LRBA: variants seen among roughly 807,000 people sequenced by gnomAD.
LRBA encodes the protein lipopolysaccharide-responsive and beige-like anchor protein.
A neutral mutation model predicts 330.0 loss-of-function variants in LRBA; 176 were observed. That is an observed-to-expected ratio of 0.53 (90% CI 0.47 to 0.60). The LOEUF is 0.60. LRBA is among the 20% of genes least tolerant of loss of function. LRBA has a pLI of 0.00. For missense variants in LRBA, 3,259 were observed against 3,444.8 expected (o/e 0.95, Z 1.35); for synonymous variants, 1,230 against 1,193.0 (o/e 1.03, Z -0.64).
intron 31 of LRBA, among the ~76,000 whole-genome samples, chr4:150,813,975 G>T (rs1252722026): frequency 3.3e-5 from 5 of 151,916 alleles, no homozygotes. Flanking sequence ...ATAAGTCAAG[G>T]AGCATCTATA....
chr4:150,554,558 T>C (rs532234006), intron 40 of LRBA, among the ~76,000 whole-genome samples: 1 of 152,208 alleles, frequency 6.6e-6, no homozygotes, highest in South Asian at 2.1e-4. Context: ...ATGTTTTTAG[T>C]AAAAGAATGA....
chr4:150,838,666 A>C (rs1748555806), intron 28 of LRBA, among the ~76,000 whole-genome samples: 2 of 151,916 alleles, frequency 1.3e-5, no homozygotes, highest in African/African-American at 4.8e-5. Context: ...ACTTCTCTAC[A>C]CTGGTTATTC....
At chr4:150,505,545 A>G (rs536852063) in intron 40 of LRBA, among the ~76,000 whole-genome samples, 1 of 152,352 alleles carries the variant, frequency 6.6e-6, no homozygotes, top group South Asian at 2.1e-4. Flanking sequence ...GAACAAAGAC[A>G]CGACATACCA....
chr4:150,288,327 G>A (rs1204207065), intron 53 of LRBA, among the ~76,000 whole-genome samples: 1 of 151,082 alleles, frequency 6.6e-6, no homozygotes, highest in Non-Finnish European at 1.5e-5. Context: ...AAAGTTATTG[G>A]CCGGGCGCAA....
intron 16 of LRBA, among the ~76,000 whole-genome samples, chr4:150,895,971 C>T (rs1319811941): frequency 6.6e-6 from 1 of 152,190 alleles, no homozygotes; most frequent in Non-Finnish European, 1.5e-5. Flanking sequence ...CCTTTTCAAA[C>T]ACATAATTTT....
intron 40 of LRBA, among the ~76,000 whole-genome samples, chr4:150,503,333 C>T (rs977942269): frequency 2.0e-5 from 3 of 152,160 alleles, no homozygotes; most frequent in African/African-American, 7.2e-5. Context: ...CTCACACGGC[C>T]GGGTACTCCC....
At chr4:151,005,740 G>A (rs1368509934) in intron 2 of LRBA, among the ~76,000 whole-genome samples, 1 of 151,488 alleles carries the variant, frequency 6.6e-6, no homozygotes, top group African/African-American at 2.4e-5. Context: ...TAGTAACTGG[G>A]ACTACAGGTG....
chr4:150,424,125 A>G (rs1374997340), intron 46 of LRBA, among the ~76,000 whole-genome samples: 3 of 152,358 alleles, frequency 2.0e-5, no homozygotes, highest in South Asian at 2.1e-4. Context: ...AAGTATGACA[A>G]GCATTTCTAA....
At position 150,588,186 on chromosome 4, in the gene LRBA, T is replaced by A. The variant is rs1404249010; in HGVS notation, c.6194-2A>T. On this transcript the variant is annotated splice_acceptor_variant, in intron 39 of 56. Transcript: ENST00000651943. LOFTEE classifies it high-confidence loss of function. The stretch of plus-strand genomic sequence containing the variant: ...CTGGTGTGCTCAGGCTAACAGGACC[T>A]GCCAAAAGGAAAAGACAAGCCACAC... 6.4e-7 allele frequency: 1 copy of A among 1,574,140 alleles called. No homozygotes were observed.
At chr4:150,805,298 G>GGAAA (rs2126706629) in intron 33 of LRBA, among the ~76,000 whole-genome samples, 1 of 97,876 alleles carries the variant, frequency 1.0e-5, no homozygotes, top group African/African-American at 4.7e-5. Context: ...GGAAAGGAAA[G>GGAAA]GAAAGGAAAG....
At chr4:150,266,085 CTGAACAGATTTGTAACT>C (rs1236009509) in intron 56 of LRBA, among the ~76,000 whole-genome samples, 5 of 29,448 alleles carry the variant, frequency 1.7e-4, no homozygotes, top group Non-Finnish European at 5.8e-4. Flanking sequence ...TAACTAAAAT[CTGAACAGATTTGTAACT>C]AAAATCTGAA....
intron 37 of LRBA, among the ~76,000 whole-genome samples, chr4:150,623,081 A>G (rs1054214730): frequency 1.3e-5 from 2 of 152,138 alleles, no homozygotes; most frequent in Non-Finnish European, 2.9e-5. Flanking sequence ...GGCTAAAGGC[A>G]TATGTACTCT....
At chr4:150,919,586 C>T (rs1733022445) in intron 5 of LRBA, among the ~76,000 whole-genome samples, 2 of 151,842 alleles carry the variant, frequency 1.3e-5, no homozygotes, top group South Asian at 2.1e-4. Context: ...CAAAAATGAA[C>T]GTTGCATTAA....
At chr4:150,542,236 G>A (rs1253733001) in intron 40 of LRBA, among the ~76,000 whole-genome samples, 2 of 152,072 alleles carry the variant, frequency 1.3e-5, no homozygotes, top group African/African-American at 4.8e-5. Context: ...ATAACCAATG[G>A]GTAAGAGCAT....
chr4:150,588,680 G>C (rs1300380308), intron 39 of LRBA, among the ~76,000 whole-genome samples: 1 of 152,156 alleles, frequency 6.6e-6, no homozygotes, highest in Admixed American at 6.5e-5. Context: ...TTCTGATAGA[G>C]ATTTTATGCC....
rs758613533 is a variant in LRBA, at chr4:150,928,952, G to A, written c.330C>T (p.Val110=). ...TCAGAATGGCTGTAAACATGCTCCA[G>A]ACTTCTGCTTGGCACGTAATGTCAC... ...EKCDITCQAE[V]WSMFTAILKK... is the part of the protein sequence containing the mutation. Residue 110 remains valine, a synonymous_variant, in exon 3 of 57, where the codon GTC becomes GTT. Transcript: ENST00000651943. 1.2e-6 allele frequency: 2 copies of A among 1,613,768 alleles called. No individual in the cohort carries two copies. The highest frequency in any genetic ancestry group is 1.7e-6 in the Non-Finnish European group (2 of 1,179,906).
chr4:150,751,265 A>G (rs933367012), intron 35 of LRBA, among the ~76,000 whole-genome samples: 29 of 152,282 alleles, frequency 1.9e-4, no homozygotes, highest in African/African-American at 6.7e-4. Context: ...GAAGGGAAGC[A>G]TATATATCTT....
At chr4:150,893,368 G>T (rs928904057) in intron 16 of LRBA, among the ~76,000 whole-genome samples, 1 of 151,886 alleles carries the variant, frequency 6.6e-6, no homozygotes, top group Non-Finnish European at 1.5e-5. Context: ...TTTTGTGCGG[G>T]GGGGCAGAGT....
At chr4:150,597,940 T>C (rs574411528) in intron 38 of LRBA, among the ~76,000 whole-genome samples, 65 of 152,236 alleles carry the variant, frequency 4.3e-4, no homozygotes, top group South Asian at 8.3e-4. Flanking sequence ...TGATGTAACA[T>C]GTGGTGTTAT....
Sources: allele counts gnomAD v4.1 joint callset (sites outside exome capture counted in the v4.1 genomes callset), GRCh38; gene constraint gnomAD v4.1.1; transcripts MANE v1.5; gene names NCBI Gene and HGNC (gene_info 2026-07-23, HGNC 2026-07-21).